Variants in GALNT7 observed in about 807,000 individuals in gnomAD.
GALNT7 encodes the protein polypeptide N-acetylgalactosaminyltransferase 7, also known as N-acetylgalactosaminyltransferase 7.
GALNT7 carries 60 observed loss-of-function variants against 82.1 expected under a neutral mutation model. That is an observed-to-expected ratio of 0.73 (90% confidence interval 0.59 to 0.91). GALNT7 has a LOEUF of 0.91. GALNT7 is among the 40% of genes least tolerant of loss of function. The probability of loss-of-function intolerance (pLI) is 0.00; values close to 1 mark genes in which losing one functional copy is unlikely to be tolerated. For synonymous variants in GALNT7, 243 were observed against 275.1 expected (o/e 0.88, Z 1.15); for missense variants, 660 against 804.2 (o/e 0.82, Z 2.17).
rs547023460 is a variant in GALNT7, at chr4:173,239,829, G to A, written c.127-8151G>A. Reference sequence around the variant, plus strand: ...TACCATGATGCCTTTAAAATATGCCGTGCATTGTTATGGTTCTTTAAAAGT... The same window carrying A: ...TACCATGATGCCTTTAAAATATGCCATGCATTGTTATGGTTCTTTAAAAGT... On this transcript the variant is annotated intron_variant, in intron 1 of 11. Coordinates refer to ENST00000265000, the MANE Select transcript of GALNT7 (RefSeq NM_017423.3). Among the ~76,000 whole-genome samples, 34 of 152,198 alleles carry A rather than the reference G, an allele frequency of 2.2e-4. No homozygotes were observed. In the South Asian group the frequency reaches 6.0e-3, roughly 27 times the overall value.
intron 1 of GALNT7, among the ~76,000 whole-genome samples, chr4:173,246,611 C>T (rs1022272746): frequency 3.3e-5 from 5 of 152,138 alleles, no homozygotes; most frequent in African/African-American, 1.2e-4. Flanking sequence ...TCTTGAAAAT[C>T]AAGACTTAGC....
chr4:173,250,740 A>C (rs1734818105), intron 2 of GALNT7, among the ~76,000 whole-genome samples: 1 of 152,164 alleles, frequency 6.6e-6, no homozygotes, highest in African/African-American at 2.4e-5. Context: ...AACGTGCAGC[A>C]GCCCCCACGC....
rs183065868 is a variant in GALNT7 at position 173,274,398 on chromosome 4, T to C, written c.588-17710T>C. Among the ~76,000 whole-genome samples the C allele has an allele frequency of 1.8e-3, 270 of 152,310 alleles. 1 individual carries two copies. Among genetic ancestry groups the C allele is most frequent in the African/African-American group, 6.0e-3 (249 of 41,570 alleles). ...GGCCATGTATTTCCTGGGTATTGGG[T>C]GAAAATAAGGAATTTATTTTCCTGT... On this transcript the variant is annotated intron_variant, in intron 2 of 11. Transcript: ENST00000265000.
At chr4:173,189,278 A>G (rs1369874490) in intron 1 of GALNT7, among the ~76,000 whole-genome samples, 2 of 152,212 alleles carry the variant, frequency 1.3e-5, no homozygotes, top group Admixed American at 6.5e-5. Flanking sequence ...AGTCACCTCC[A>G]TCTTGCTACA....
chr4:173,225,053 A>G (rs1317154972), intron 1 of GALNT7, among the ~76,000 whole-genome samples: 1 of 148,338 alleles, frequency 6.7e-6, no homozygotes, highest in Non-Finnish European at 1.5e-5. Flanking sequence ...AATAATAATT[A>G]TAATTATATC....
intron 1 of GALNT7, among the ~76,000 whole-genome samples, chr4:173,228,673 G>T (rs1318602480): frequency 6.6e-6 from 1 of 151,862 alleles, no homozygotes; most frequent in Non-Finnish European, 1.5e-5. Context: ...CTCACAGCCA[G>T]ATGGCTTTAC....
At chr4:173,309,391 T>G (rs1737294081) in intron 8 of GALNT7, among the ~76,000 whole-genome samples, 1 of 152,198 alleles carries the variant, frequency 6.6e-6, no homozygotes, top group African/African-American at 2.4e-5. Flanking sequence ...TAGTGGTGAA[T>G]GATGACCTGG....
intron 1 of GALNT7, among the ~76,000 whole-genome samples, chr4:173,235,505 A>G (rs1734190569): frequency 6.6e-6 from 1 of 151,140 alleles, no homozygotes. Context: ...GTTCTTTCAG[A>G]TCTTTGCTCA....
At chr4:173,184,567 C>G (rs143988450) in intron 1 of GALNT7, among the ~76,000 whole-genome samples, 15 of 134,952 alleles carry the variant, frequency 1.1e-4, no homozygotes, top group South Asian at 5.4e-4. Flanking sequence ...AGCCTCGGCT[C>G]GGCATCAGAG....
At chr4:173,220,732 A>G (rs1253036345) in intron 1 of GALNT7, among the ~76,000 whole-genome samples, 1 of 142,044 alleles carries the variant, frequency 7.0e-6, no homozygotes, top group Non-Finnish European at 1.5e-5. Flanking sequence ...GTTCCCACCT[A>G]TGAGTGAGAA....
At chr4:173,303,938 C>T in intron 7 of GALNT7, 58 bp from the exon 8 acceptor site, 2 of 1,437,956 alleles carry the variant, frequency 1.4e-6, no homozygotes, top group Admixed American at 2.0e-5. Context: ...GATAAATTTT[C>T]AGTTATGGTT....
rs1736588231 is a variant in GALNT7 at position 173,292,713 on chromosome 4, A to T, written c.754+439A>T. 1.3e-5 allele frequency among the ~76,000 whole-genome samples: 2 copies of T among 152,192 alleles called. No homozygotes were observed. The highest frequency in any genetic ancestry group is 1.5e-5 in the Non-Finnish European group (1 of 68,026). ...TGCAAGGACATGATTAGAATCTTGAAACTGTACACATATGTTAGCACGAAT... is the reference window on the plus strand; with the variant it reads ...TGCAAGGACATGATTAGAATCTTGATACTGTACACATATGTTAGCACGAAT... On this transcript the variant is annotated intron_variant, in intron 3 of 11. Coordinates refer to ENST00000265000, the MANE Select transcript of GALNT7 (RefSeq NM_017423.3). This position sits in a 1 kb window ranked among gnomAD's most constrained non-coding sequence, Gnocchi z 4.8.
Position 173,236,116 on chromosome 4 carries a change from G to A in GALNT7, c.127-11864G>A, listed in dbSNP as rs1299579357. Among the ~76,000 whole-genome samples the A allele has an allele frequency of 1.1e-4, 16 of 152,200 alleles. 1 individual carries two copies. In the East Asian group the frequency reaches 2.9e-3, roughly 28 times the overall value. On this transcript the variant is annotated intron_variant, in intron 1 of 11. Transcript: ENST00000265000. ...CAAGGGGATCACAAAAATGCTTTGT[G>A]TGCTCTAGAAGGTAGAAAGCAGTAT... is the stretch of plus-strand genomic sequence containing the variant.
chr4:173,261,500 G>T (rs928628664), intron 2 of GALNT7, among the ~76,000 whole-genome samples: 1 of 151,986 alleles, frequency 6.6e-6, no homozygotes, highest in African/African-American at 2.4e-5. Flanking sequence ...AGCTTACAGA[G>T]CACCCTTTAA....
chr4:173,235,694 T>C (rs145043166), intron 1 of GALNT7, among the ~76,000 whole-genome samples: 1 of 152,240 alleles, frequency 6.6e-6, no homozygotes, highest in East Asian at 1.9e-4. Flanking sequence ...TAGCTGGGAC[T>C]ACAGGCACCC....
intron 2 of GALNT7, among the ~76,000 whole-genome samples, chr4:173,261,054 C>T (rs1178371329): frequency 6.6e-6 from 1 of 152,172 alleles, no homozygotes; most frequent in Admixed American, 6.5e-5. Context: ...CATTTATTGT[C>T]CTGCATCTGT....
chr4:173,252,097 A>G (rs1734866820), intron 2 of GALNT7, among the ~76,000 whole-genome samples: 1 of 152,262 alleles, frequency 6.6e-6, no homozygotes, highest in Admixed American at 6.5e-5. Context: ...CTCTAAAATA[A>G]TAACCAACCA....
chr4:173,180,858 T>G (rs967589258), intron 1 of GALNT7, among the ~76,000 whole-genome samples: 6 of 152,254 alleles, frequency 3.9e-5, no homozygotes, highest in African/African-American at 1.4e-4. Context: ...TTGTGTTTCT[T>G]ATTGCCTAAT....
chr4:173,246,614 G>A (rs778167187), intron 1 of GALNT7, among the ~76,000 whole-genome samples: 8 of 152,136 alleles, frequency 5.3e-5, no homozygotes, highest in Admixed American at 2.6e-4. Context: ...TGAAAATCAA[G>A]ACTTAGCGAT....
Sources: allele counts gnomAD v4.1 joint callset (sites outside exome capture counted in the v4.1 genomes callset), GRCh38; gene constraint gnomAD v4.1.1; non-coding constraint Gnocchi (gnomAD v3.1); transcripts MANE v1.5; gene names NCBI Gene and HGNC (gene_info 2026-07-23, HGNC 2026-07-21).